NLGN1: variants seen among roughly 807,000 people sequenced by gnomAD.
The protein encoded by NLGN1 is neuroligin-1.
Under a neutral mutation model 65.5 loss-of-function variants are expected in NLGN1, and 12 were observed. The ratio of observed to expected loss-of-function variants is 0.18; its 90% CI spans 0.12 to 0.30. The LOEUF is 0.30. NLGN1 is among the 10% of genes least tolerant of loss of function. NLGN1 has a pLI of 1.00. For synonymous variants in NLGN1, 350 were observed against 359.5 expected (o/e 0.97, Z 0.30); for missense variants, 750 against 1,007.1 (o/e 0.74, Z 3.46).
At chr3:173,553,800 A>AGT (rs1741268691) in intron 2 of NLGN1, among the ~76,000 whole-genome samples, 1 of 151,780 alleles carries the variant, frequency 6.6e-6, no homozygotes, top group Admixed American at 6.6e-5. Context: ...AGAAAAGCCG[A>AGT]CTAACAGAAG....
intron 4 of NLGN1, among the ~76,000 whole-genome samples, chr3:174,129,136 C>T (rs77963647): frequency 0.055 from 8,367 of 152,110 alleles, 292 homozygotes; most frequent in African/African-American, 0.086. Flanking sequence ...TGTCTTGCCA[C>T]TCCTTACCAA....
At chr3:174,242,423 G>C (rs1743054797) in intron 4 of NLGN1, among the ~76,000 whole-genome samples, 1 of 152,092 alleles carries the variant, frequency 6.6e-6, no homozygotes, top group African/African-American at 2.4e-5. Context: ...AGGTGGCATA[G>C]CAAGAAGTTA....
intron 3 of NLGN1, among the ~76,000 whole-genome samples, chr3:173,738,923 A>G (rs1262442877): frequency 6.6e-6 from 1 of 152,102 alleles, no homozygotes; most frequent in Non-Finnish European, 1.5e-5. Flanking sequence ...GATAAGTGAC[A>G]TAAAAGATGT....
At chr3:174,133,910 A>G (rs1297325588) in intron 4 of NLGN1, among the ~76,000 whole-genome samples, 4 of 151,532 alleles carry the variant, frequency 2.6e-5, no homozygotes, top group Non-Finnish European at 5.9e-5. Flanking sequence ...ACACACACAC[A>G]CACACACACA....
At chr3:174,175,061 C>T (rs762366998) in intron 4 of NLGN1, among the ~76,000 whole-genome samples, 6 of 151,916 alleles carry the variant, frequency 3.9e-5, no homozygotes, top group Non-Finnish European at 8.8e-5. Context: ...TGTTTTGTGA[C>T]TTAACACATA....
intron 2 of NLGN1, among the ~76,000 whole-genome samples, chr3:173,455,734 G>GTA (rs1422937355): frequency 7.2e-5 from 11 of 152,024 alleles, no homozygotes; most frequent in Non-Finnish European, 8.8e-5. Flanking sequence ...ATATATGTGT[G>GTA]TATATATATG....
intron 2 of NLGN1, among the ~76,000 whole-genome samples, chr3:173,592,195 A>G (rs1221591151): frequency 6.6e-6 from 1 of 152,226 alleles, no homozygotes; most frequent in East Asian, 1.9e-4. Flanking sequence ...TTTGGAGATT[A>G]CACCTGAAAA....
At chr3:173,831,577 T>C (rs1722568620) in intron 4 of NLGN1, among the ~76,000 whole-genome samples, 1 of 152,174 alleles carries the variant, frequency 6.6e-6, no homozygotes, top group South Asian at 2.1e-4. Flanking sequence ...AACATCTTGA[T>C]TAAATTTCAA....
exon 7 of NLGN1, chr3:174,285,165 A>G (rs1032456260): frequency 2.0e-5 from 3 of 151,540 alleles, no homozygotes; most frequent in Middle Eastern, 3.4e-3. Flanking sequence ...TTCTTTGGCG[A>G]GTTTCACTGA....
At chr3:173,827,777 G>A (rs1409393275) in intron 4 of NLGN1, among the ~76,000 whole-genome samples, 1 of 151,902 alleles carries the variant, frequency 6.6e-6, no homozygotes, top group African/African-American at 2.4e-5. Context: ...AGCTGATGAT[G>A]TAGTTCAGTG....
intron 4 of NLGN1, among the ~76,000 whole-genome samples, chr3:173,987,712 G>C (rs1292859650): frequency 3.3e-5 from 5 of 152,148 alleles, no homozygotes. Flanking sequence ...CAAAGGCAAT[G>C]CCTAAACCCA....
At chr3:173,990,973 C>T (rs1278924226) in intron 4 of NLGN1, among the ~76,000 whole-genome samples, 1 of 151,880 alleles carries the variant, frequency 6.6e-6, no homozygotes, top group Non-Finnish European at 1.5e-5. Flanking sequence ...TCCCATATAC[C>T]CCCATACATG....
chr3:174,179,535 G>A (rs1040042421), intron 4 of NLGN1, among the ~76,000 whole-genome samples: 1 of 152,022 alleles, frequency 6.6e-6, no homozygotes, highest in Non-Finnish European at 1.5e-5. Context: ...AATATTGTTT[G>A]TTAGATATTG....
In NLGN1 at chr3:173,883,730, A is replaced by G. The variant is rs149075294; in HGVS notation, c.646+75898A>G. 3.2e-3 allele frequency among the ~76,000 whole-genome samples: 483 copies of G among 151,616 alleles called. 4 individuals are homozygous for G. The highest frequency in any genetic ancestry group is 0.011 in the African/African-American group (465 of 41,336). ...CCTGTACTATATATATTGATTTGTAATTGCCCATGTTGACATGGCAGTATC... is the reference window on the plus strand; with the variant it reads ...CCTGTACTATATATATTGATTTGTAGTTGCCCATGTTGACATGGCAGTATC... On this transcript the variant is annotated intron_variant, in intron 4 of 6. Coordinates refer to ENST00000457714, the Ensembl canonical transcript of NLGN1.
chr3:173,833,949 A>C (rs1483865542), intron 4 of NLGN1, among the ~76,000 whole-genome samples: 2 of 150,784 alleles, frequency 1.3e-5, no homozygotes, highest in African/African-American at 4.9e-5. Flanking sequence ...AGTCACTCAG[A>C]TTTTTTTAAA....
At chr3:173,542,677 G>A (rs1464219904) in intron 2 of NLGN1, among the ~76,000 whole-genome samples, 3 of 151,908 alleles carry the variant, frequency 2.0e-5, no homozygotes, top group African/African-American at 7.3e-5. Flanking sequence ...GTGGTGTGCG[G>A]GGTATTTTAC....
intron 4 of NLGN1, among the ~76,000 whole-genome samples, chr3:173,887,014 C>G (rs947325891): frequency 6.6e-6 from 1 of 151,948 alleles, no homozygotes; most frequent in African/African-American, 2.4e-5. Context: ...ACGAATCAAC[C>G]TTGAGATATT....
chr3:173,538,938 C>G (rs889822594), intron 2 of NLGN1, among the ~76,000 whole-genome samples: 1 of 151,224 alleles, frequency 6.6e-6, no homozygotes, highest in Admixed American at 6.6e-5. Context: ...TTCCTTGTCA[C>G]CAATTTTCCA....
intron 4 of NLGN1, among the ~76,000 whole-genome samples, chr3:174,194,153 T>A (rs1732916668): frequency 6.6e-6 from 1 of 152,030 alleles, no homozygotes; most frequent in South Asian, 2.1e-4. Context: ...AAAATTTTAA[T>A]CAAAATTTAA....
Sources: allele counts gnomAD v4.1 joint callset (sites outside exome capture counted in the v4.1 genomes callset), GRCh38; gene constraint gnomAD v4.1.1; transcripts MANE v1.5; gene names NCBI Gene and HGNC (gene_info 2026-07-23, HGNC 2026-07-21).